KLF13: variants seen among roughly 807,000 people sequenced by gnomAD.
KLF13 encodes the protein Krueppel-like factor 13.
A neutral mutation model predicts 16.7 loss-of-function variants in KLF13; 8 were observed. That is an observed-to-expected ratio of 0.48 (90% CI 0.28 to 0.87). KLF13 has a LOEUF of 0.87. KLF13 is among the 40% of genes least tolerant of loss of function. The probability of loss-of-function intolerance (pLI) is 0.10; values close to 1 mark genes in which losing one functional copy is unlikely to be tolerated. For missense variants in KLF13, 447 were observed against 452.2 expected (o/e 0.99, Z 0.10); for synonymous variants, 245 against 208.4 (o/e 1.18, Z -1.51).
intron 1 of KLF13, among the ~76,000 whole-genome samples, chr15:31,332,710 T>G (rs2038854354): frequency 6.6e-6 from 1 of 152,204 alleles, no homozygotes; most frequent in South Asian, 2.1e-4. Flanking sequence ...TCCTGTGTGC[T>G]CCCACTTTAC....
rs116601050 is a variant in KLF13, at chr15:31,331,249, C to T, written c.577+3460C>T. Reference sequence around the variant, plus strand: ...TCCCATGGAAAGGTGGGCACAGTGGCGTGCCCAGCCTTCCCTCCTGCAGAA... The same window carrying T: ...TCCCATGGAAAGGTGGGCACAGTGGTGTGCCCAGCCTTCCCTCCTGCAGAA... On this transcript the variant is annotated intron_variant, in intron 1 of 1. Transcript: ENST00000307145. Among the ~76,000 whole-genome samples the T allele has an allele frequency of 7.3e-3, 1,117 of 152,312 alleles. 17 individuals are homozygous for T. The highest frequency in any genetic ancestry group is 0.026 in the African/African-American group (1,075 of 41,548).
intron 1 of KLF13, among the ~76,000 whole-genome samples, chr15:31,348,911 A>G (rs1056725103): frequency 1.3e-5 from 2 of 152,090 alleles, no homozygotes; most frequent in African/African-American, 4.8e-5. Context: ...AATGTCACAT[A>G]GTAGAGGGAG....
chr15:31,434,261 G>A (rs2040504493), intron 1 of KLF13, among the ~76,000 whole-genome samples: 1 of 152,204 alleles, frequency 6.6e-6, no homozygotes, highest in Admixed American at 6.5e-5. Flanking sequence ...GCTGCACACA[G>A]CTGGACATAC....
exon 2 of KLF13, chr15:31,435,430 G>A (rs1323506989): frequency 6.6e-6 from 1 of 152,130 alleles, no homozygotes; most frequent in Non-Finnish European, 1.5e-5. Flanking sequence ...GCTTGTCAAG[G>A]TCACAGACCC....
chr15:31,391,231 G>C (rs2039861331), upstream of KLF13, among the ~76,000 whole-genome samples: 1 of 107,698 alleles, frequency 9.3e-6, no homozygotes, highest in East Asian at 3.3e-4. Flanking sequence ...GTATAGGGCT[G>C]AGGAGGCTGT....
intron 1 of KLF13, among the ~76,000 whole-genome samples, chr15:31,393,422 G>GC (rs2039903717): frequency 4.7e-3 from 56 of 12,000 alleles, no homozygotes; most frequent in African/African-American, 0.015. Flanking sequence ...CCCCCGGCCC[G>GC]TCCCCCCCCC....
chr15:31,357,037 C>T (rs1423283443), intron 1 of KLF13, among the ~76,000 whole-genome samples: 2 of 152,208 alleles, frequency 1.3e-5, no homozygotes, highest in South Asian at 2.1e-4. Context: ...TTCCCTCTTA[C>T]CCATCCATTT....
chr15:31,423,129 ATACGTATACGTATACG>A lies in KLF13; in HGVS notation n.118-12238_118-12223del, dbSNP rs1566848235. 3.0e-4 allele frequency among the ~76,000 whole-genome samples: 33 copies of A among 110,950 alleles called. 11 individuals carry two copies. The highest frequency in any genetic ancestry group is 1.5e-3 in the African/African-American group (32 of 21,774). The allele number at this position is 110,950 out of a possible 152,430, so 72.8% of individuals were successfully genotyped here. ...TACGTATACGTATATATACGTATAT[ATACGTATACGTATACG>A]TATATATACGTATATATATGTATAT... On this transcript the variant is annotated intron_variant and non_coding_transcript_variant, in intron 1 of 1. Transcript: ENST00000558225.
intron 1 of KLF13, among the ~76,000 whole-genome samples, chr15:31,343,224 G>A (rs2039058863): frequency 6.6e-6 from 1 of 152,240 alleles, no homozygotes; most frequent in Admixed American, 6.5e-5. Flanking sequence ...GGGCCCGCCG[G>A]CTCAGGTGTG....
chr15:31,368,264 A>G (rs902915837), intron 1 of KLF13, among the ~76,000 whole-genome samples: 3 of 152,210 alleles, frequency 2.0e-5, no homozygotes, highest in Admixed American at 6.5e-5. Flanking sequence ...ACTCAGGGCA[A>G]ACAGGGTCTG....
intron 2 of KLF13, among the ~76,000 whole-genome samples, chr15:31,402,240 C>G (rs2040047990): frequency 6.6e-6 from 1 of 152,164 alleles, no homozygotes; most frequent in Non-Finnish European, 1.5e-5. Context: ...GGATGGAGAG[C>G]CCTCTGGGAG....
chr15:31,330,946 C>T (rs2038819967), intron 1 of KLF13, among the ~76,000 whole-genome samples: 1 of 152,188 alleles, frequency 6.6e-6, no homozygotes, highest in Admixed American at 6.5e-5. Flanking sequence ...AATTCAAGGA[C>T]TCACCTTCGA....
downstream of KLF13, among the ~76,000 whole-genome samples, chr15:31,407,248 T>G (rs12148909): frequency 0.18 from 27,796 of 152,002 alleles, 2,887 homozygotes; most frequent in East Asian, 0.31. Context: ...GAGGCTGAGA[T>G]AGGAGGATCG....
At chr15:31,369,820 C>G (rs1343729135) in intron 1 of KLF13, among the ~76,000 whole-genome samples, 1 of 152,214 alleles carries the variant, frequency 6.6e-6, no homozygotes, top group Non-Finnish European at 1.5e-5. Context: ...CCTTTGTCTT[C>G]AGGATCCAGT....
intron 2 of KLF13, among the ~76,000 whole-genome samples, chr15:31,397,876 G>GC (rs112300555): frequency 6.7e-6 from 1 of 149,522 alleles, no homozygotes; most frequent in South Asian, 2.1e-4. Flanking sequence ...GGTGGCGGCG[G>GC]GGGGGGTGGT....
At chr15:31,359,816 C>T (rs1360524002) in intron 1 of KLF13, among the ~76,000 whole-genome samples, 1 of 152,232 alleles carries the variant, frequency 6.6e-6, no homozygotes, top group East Asian at 1.9e-4. Flanking sequence ...GACAGCTGGG[C>T]TGGCTCCGTG....
At chr15:31,420,052 G>GAAA (rs71110873) in intron 1 of KLF13, 59 of 335,156 alleles carry the variant, frequency 1.8e-4, no homozygotes, top group South Asian at 1.0e-4. Flanking sequence ...AGTGCTGGAA[G>GAAA]AAAAAAACCT....
chr15:31,344,734 C>G (rs1007237771), intron 1 of KLF13, among the ~76,000 whole-genome samples: 3 of 143,824 alleles, frequency 2.1e-5, no homozygotes, highest in Admixed American at 6.7e-5. Flanking sequence ...CTAATGGAAC[C>G]TTTCTTTTAA....
intron 1 of KLF13, among the ~76,000 whole-genome samples, chr15:31,385,555 A>AT (rs1446596596): frequency 4.6e-5 from 7 of 152,196 alleles, no homozygotes; most frequent in Admixed American, 4.6e-4. Flanking sequence ...TATTTCAAAC[A>AT]TTTTTACTAT....
Sources: allele counts gnomAD v4.1 joint callset (sites outside exome capture counted in the v4.1 genomes callset), GRCh38; gene constraint gnomAD v4.1.1; transcripts MANE v1.5; gene names NCBI Gene and HGNC (gene_info 2026-07-23, HGNC 2026-07-21).